The following KLKB1 variants were observed in gnomAD, a reference collection of about 807,000 sequenced individuals.
KLKB1 encodes kallikrein B1.
KLKB1 carries 58 observed loss-of-function variants against 73.6 expected under a neutral mutation model. The ratio of observed to expected loss-of-function variants is 0.79; its 90% CI spans 0.64 to 0.98. The LOEUF (loss-of-function observed/expected upper bound fraction) is 0.98, where lower values mean the gene tolerates loss of function less well. Ranked by LOEUF, KLKB1 falls within the 50% of genes least tolerant of loss-of-function variation. The probability of loss-of-function intolerance (pLI) is 0.00; values close to 1 mark genes in which losing one functional copy is unlikely to be tolerated. For missense variants in KLKB1, 737 were observed against 763.8 expected, an observed-to-expected ratio of 0.96 and a Z score of 0.41; for synonymous variants, 280 against 258.1, an observed-to-expected ratio of 1.08 and a Z score of -0.81.
Position 186,256,023 on chromosome 4 carries a change from A to G in KLKB1, c.1521A>G (p.Lys507=). 3 of 1,613,202 alleles carry G rather than the reference A, an allele frequency of 1.9e-6. No homozygotes were observed. The highest frequency in any genetic ancestry group is 2.5e-6 in the Non-Finnish European group (3 of 1,179,116). Residue 507 remains lysine, a synonymous_variant, in exon 13 of 15, where the codon AAA becomes AAG. Coordinates refer to ENST00000264690, the MANE Select transcript of KLKB1 (RefSeq NM_000892.5). ...EFQKPICLPS[K]GDTSTIYTNC... Reference sequence around the variant, plus strand: ...AAAAACCAATATGCCTACCTTCCAAAGGTGACACAAGCACAATTTATACCA... The same window carrying G: ...AAAAACCAATATGCCTACCTTCCAAGGGTGACACAAGCACAATTTATACCA...
At position 186,254,791 on chromosome 4, in the gene KLKB1, A is replaced by C. The variant is rs1325262696; in HGVS notation, c.1489+28A>C. On this transcript the variant is annotated intron_variant, in intron 12 of 14. Coordinates refer to ENST00000264690, the MANE Select transcript of KLKB1 (RefSeq NM_000892.5). ...ATGTAGCATATGTAAGAAGGTGGAGAGCAGAATTGCGCTGGTTGATATTTT... is the reference window on the plus strand; with the variant it reads ...ATGTAGCATATGTAAGAAGGTGGAGCGCAGAATTGCGCTGGTTGATATTTT... The C allele has an allele frequency of 2.5e-6, 4 of 1,580,608 alleles. No individual in the cohort carries two copies. In the Admixed American group the frequency reaches 6.7e-5, roughly 26 times the overall value.
In KLKB1 at chr4:186,258,469, T is replaced by C; in HGVS notation, c.*257T>C. ...TGTTGTGAAATAAAATGGTGAAAGA[T>C]CACGATTAGCAAGTGTTTTCTTCTG... On this transcript the variant is annotated 3_prime_UTR_variant, in exon 15 of 15. Transcript: ENST00000264690. 1 of 534,224 alleles carries C rather than the reference T, an allele frequency of 1.9e-6. No homozygotes were observed. Among genetic ancestry groups the C allele is most frequent in the Non-Finnish European group, 3.4e-6 (1 of 295,668 alleles). 33.1% of individuals were successfully genotyped at this position (534,224 alleles called of 1,614,324 possible).
rs556523024 is a variant in KLKB1 at position 186,247,576 on chromosome 4, G to A, written c.599-2667G>A. 4.6e-5 allele frequency among the ~76,000 whole-genome samples: 7 copies of A among 152,276 alleles called. No individual in the cohort carries two copies. The South Asian group carries it at 6.2e-4, about 14-fold the overall frequency. On this transcript the variant is annotated intron_variant, in intron 6 of 14. Transcript: ENST00000264690. The stretch of plus-strand genomic sequence containing the variant: ...GTATGCATGTAGGCTTGGGCCCAGA[G>A]GCCTGACATTTAACATGGATAAATG...
intron 6 of KLKB1, among the ~76,000 whole-genome samples, chr4:186,244,641 A>T (rs895054639): frequency 1.3e-5 from 2 of 152,130 alleles, no homozygotes; most frequent in Non-Finnish European, 2.9e-5. Context: ...GGTATTGAGG[A>T]TAGGAGAGTA....
intron 10 of KLKB1, 75 bp from the exon 11 acceptor site, chr4:186,251,942 T>C: frequency 6.2e-7 from 1 of 1,608,792 alleles, no homozygotes; most frequent in Non-Finnish European, 8.5e-7. Context: ...GAATTATGTG[T>C]CTTGTTCTCC....
At chr4:186,235,129 T>TAGCC (rs1737591252) in intron 4 of KLKB1, among the ~76,000 whole-genome samples, 3 of 152,224 alleles carry the variant, frequency 2.0e-5, no homozygotes, top group Admixed American at 1.3e-4. Context: ...GCCAGTATAA[T>TAGCC]AGGTGTAGTC....
intron 13 of KLKB1, 72 bp from the exon 14 acceptor site, chr4:186,257,154 C>T: frequency 1.3e-6 from 1 of 773,208 alleles, no homozygotes. Flanking sequence ...AATAATATTC[C>T]CAATATTATT....
upstream of KLKB1, among the ~76,000 whole-genome samples, chr4:186,227,225 C>T (rs1044324618): frequency 6.6e-6 from 1 of 152,136 alleles, no homozygotes; most frequent in Non-Finnish European, 1.5e-5. Context: ...TGTGCTGCAA[C>T]CAGGTGGCAT....
chr4:186,235,367 T>G (rs1249990575), intron 4 of KLKB1, among the ~76,000 whole-genome samples: 2 of 89,426 alleles, frequency 2.2e-5, no homozygotes, highest in African/African-American at 1.0e-4. Flanking sequence ...TGAAAAATTG[T>G]TCCCAAGTAC....
chr4:186,230,543 CA>C (rs1434669128), intron 2 of KLKB1, among the ~76,000 whole-genome samples: 1 of 152,156 alleles, frequency 6.6e-6, no homozygotes, highest in Non-Finnish European at 1.5e-5. Context: ...ACATAGGCTC[CA>C]AAATACAGCA....
At position 186,257,364 on chromosome 4, in the gene KLKB1, A is replaced by C; in HGVS notation, c.1724A>C (p.Lys575Thr). 6.3e-7 allele frequency: 1 copy of C among 1,581,800 alleles called. No homozygotes were observed. Among genetic ancestry groups the C allele is most frequent in the Non-Finnish European group, 8.6e-7 (1 of 1,163,186 alleles). The change falls in exon 14 of 15, where the codon AAG becomes ACG. Residue 575 changes from lysine to threonine, a missense_variant and splice_region_variant. Coordinates refer to ENST00000264690, the MANE Select transcript of KLKB1 (RefSeq NM_000892.5). ...GYKEGGKDAC[K>T]GDSGGPLVCK... Reference sequence around the variant, plus strand: ...AAAGAAGGGGGAAAAGATGCTTGTAAGGTAACTCATGAGATTATGAAAAAC... The same window carrying C: ...AAAGAAGGGGGAAAAGATGCTTGTACGGTAACTCATGAGATTATGAAAAAC...
In KLKB1 at chr4:186,256,987, GTC is replaced by G. The variant is rs59372724; in HGVS notation, c.1586-227_1586-226del. 0.076 allele frequency among the ~76,000 whole-genome samples: 11,317 copies of G among 148,464 alleles called. 746 individuals carry two copies. The highest frequency in any genetic ancestry group is 0.18 in the African/African-American group (7,290 of 40,574). On this transcript the variant is annotated intron_variant, in intron 13 of 14. Transcript: ENST00000264690. ...CGTCTCTCTCCCTCTTCCTCTCTCT[GTC>G]TCTCTCTCTCTGTGTGTGTGTGTGT...
chr4:186,237,592 C>T (rs942114164), intron 5 of KLKB1, among the ~76,000 whole-genome samples: 3 of 152,330 alleles, frequency 2.0e-5, no homozygotes, highest in Non-Finnish European at 2.9e-5. Flanking sequence ...AAGTCACACT[C>T]AGCTCTGTTT....
intron 5 of KLKB1, 131 bp downstream of exon 5, chr4:186,237,071 T>C (rs1737732476): frequency 4.1e-6 from 3 of 729,976 alleles, no homozygotes; most frequent in Non-Finnish European, 6.8e-6. Context: ...CCTCATTTAC[T>C]TACTCTATTT....
chr4:186,255,790 T>C (rs182828239), intron 12 of KLKB1, among the ~76,000 whole-genome samples: 30 of 152,340 alleles, frequency 2.0e-4, no homozygotes, highest in African/African-American at 6.3e-4. Context: ...ACTCAGGAAA[T>C]TGTAACACCA....
At chr4:186,249,093 C>G (rs890926090) in intron 6 of KLKB1, among the ~76,000 whole-genome samples, 2 of 152,122 alleles carry the variant, frequency 1.3e-5, no homozygotes, top group African/African-American at 4.8e-5. Context: ...ATATTATTTT[C>G]AAAAATTTTC....
intron 6 of KLKB1, among the ~76,000 whole-genome samples, chr4:186,242,083 G>C (rs1014689245): frequency 6.6e-6 from 1 of 151,812 alleles, no homozygotes; most frequent in Non-Finnish European, 1.5e-5. Flanking sequence ...GGGTGGGGAC[G>C]TTTTATAGGA....
At position 186,250,125 on chromosome 4, in the gene KLKB1, G is replaced by C. The variant is rs1044734632; in HGVS notation, c.599-118G>C. The C allele has an allele frequency of 2.9e-6, 3 of 1,043,230 alleles. No individual in the cohort carries two copies. In the African/African-American group the frequency reaches 4.7e-5, roughly 16 times the overall value. 64.6% of individuals were successfully genotyped at this position (1,043,230 alleles called of 1,614,324 possible). On this transcript the variant is annotated intron_variant, in intron 6 of 14. Coordinates refer to ENST00000264690, the MANE Select transcript of KLKB1 (RefSeq NM_000892.5). Reference sequence around the variant, plus strand: ...CTTTAAAGGACATTTTTTCACTTAGGATGTTTAGTACTATGAATAATAAAT... The same window carrying C: ...CTTTAAAGGACATTTTTTCACTTAGCATGTTTAGTACTATGAATAATAAAT...
chr4:186,250,198 C>T lies in KLKB1; in HGVS notation c.599-45C>T, dbSNP rs141490245. ...GTGACAAAATACAAGCAAATTTAGC[C>T]TCATGTCATTTCCTAAGGAACATCT... On this transcript the variant is annotated intron_variant, in intron 6 of 14. Transcript: ENST00000264690. 5 of 1,573,600 alleles carry T rather than the reference C, an allele frequency of 3.2e-6. No homozygotes were observed. The African/African-American group carries it at 6.7e-5, about 21-fold the overall frequency.
Sources: allele counts gnomAD v4.1 joint callset (sites outside exome capture counted in the v4.1 genomes callset), GRCh38; gene constraint gnomAD v4.1.1; transcripts MANE v1.5; gene names NCBI Gene and HGNC (gene_info 2026-07-23, HGNC 2026-07-21).